The following CNTNAP5 variants were observed in gnomAD, a reference collection of about 807,000 sequenced individuals.
The protein encoded by CNTNAP5 is contactin associated protein family member 5.
A neutral mutation model predicts 150.2 loss-of-function variants in CNTNAP5; 72 were observed. The ratio of observed to expected loss-of-function variants is 0.48; its 90% CI spans 0.40 to 0.58. The LOEUF (loss-of-function observed/expected upper bound fraction) is 0.58, where lower values mean the gene tolerates loss of function less well. Among genes scored for constraint, CNTNAP5 ranks in the 20% least tolerant of loss-of-function variants. The pLI is 0.00. For missense variants in CNTNAP5, 1,636 were observed against 1,626.2 expected (o/e 1.01, Z -0.10); for synonymous variants, 672 against 619.8 (o/e 1.08, Z -1.25).
chr2:124,104,710 G>A (rs2104699958), intron 1 of CNTNAP5, among the ~76,000 whole-genome samples: 1 of 152,144 alleles, frequency 6.6e-6, no homozygotes, highest in African/African-American at 2.4e-5. Context: ...TACCATGAGT[G>A]GACTCTGATG....
chr2:124,780,346 A>C (rs139671072), intron 17 of CNTNAP5, among the ~76,000 whole-genome samples: 2 of 152,300 alleles, frequency 1.3e-5, no homozygotes, highest in African/African-American at 4.8e-5. Flanking sequence ...CATTTAAAGG[A>C]CACACTCAAT....
intron 3 of CNTNAP5, among the ~76,000 whole-genome samples, chr2:124,300,158 C>T (rs1688539465): frequency 1.3e-5 from 2 of 152,220 alleles, no homozygotes; most frequent in Admixed American, 6.5e-5. Context: ...AGTCATGACT[C>T]ATTCCAGCTC....
At chr2:124,274,395 C>T (rs988256883) in intron 3 of CNTNAP5, among the ~76,000 whole-genome samples, 1 of 152,138 alleles carries the variant, frequency 6.6e-6, no homozygotes, top group Non-Finnish European at 1.5e-5. Context: ...TTATTTTCAC[C>T]GCTTTTTCCC....
chr2:124,290,139 A>G (rs1265192632), intron 3 of CNTNAP5, among the ~76,000 whole-genome samples: 1 of 152,114 alleles, frequency 6.6e-6, no homozygotes, highest in Non-Finnish European at 1.5e-5. Flanking sequence ...GGCCGGGTAG[A>G]TCGCTGGTCT....
intron 19 of CNTNAP5, among the ~76,000 whole-genome samples, chr2:124,819,571 C>T (rs1485158023): frequency 1.3e-5 from 2 of 152,124 alleles, no homozygotes; most frequent in South Asian, 2.1e-4. Context: ...GTGAAATTAA[C>T]ATTATCTTCA....
chr2:124,536,250 A>T (rs959544266), intron 10 of CNTNAP5, among the ~76,000 whole-genome samples: 10 of 152,226 alleles, frequency 6.6e-5, no homozygotes, highest in African/African-American at 2.4e-4. Flanking sequence ...TTTATGTAAC[A>T]CTTACTGAGC....
chr2:124,264,389 TACACACACACACAC>T lies in CNTNAP5; in HGVS notation c.381+22027_381+22040del, dbSNP rs200429155. Reference sequence around the variant, plus strand: ...ACACACACAGGCACACACACACACATACACACACACACACACACACACACACACACACACACACA... The same window carrying T: ...ACACACACAGGCACACACACACACATACACACACACACACACACACACACA... On this transcript the variant is annotated intron_variant, in intron 3 of 23. Coordinates refer to ENST00000682447, the MANE Select transcript of CNTNAP5 (RefSeq NM_001367498.1). 7.4e-3 allele frequency among the ~76,000 whole-genome samples: 931 copies of T among 126,620 alleles called. 14 individuals carry two copies. The highest frequency in any genetic ancestry group is 0.023 in the African/African-American group (835 of 35,900). The allele number at this position is 126,620 out of a possible 152,430, so 83.1% of individuals were successfully genotyped here. A position where few individuals can be genotyped will look rare whatever the true frequency, so the allele number is the denominator to read the frequency against.
chr2:124,216,755 T>G (rs1275262406), intron 1 of CNTNAP5, among the ~76,000 whole-genome samples: 1 of 152,192 alleles, frequency 6.6e-6, no homozygotes, highest in African/African-American at 2.4e-5. Flanking sequence ...TTCCATGGTG[T>G]ATATGTGCCA....
chr2:124,481,149 A>G (rs1160185858), intron 7 of CNTNAP5, among the ~76,000 whole-genome samples: 7 of 152,180 alleles, frequency 4.6e-5, no homozygotes, highest in Admixed American at 1.3e-4. Context: ...TAGACCTCAC[A>G]GTTCTCCCTG....
intron 19 of CNTNAP5, among the ~76,000 whole-genome samples, chr2:124,815,412 G>A (rs1027869684): frequency 2.6e-5 from 4 of 152,146 alleles, no homozygotes; most frequent in African/African-American, 4.8e-5. Context: ...ATCATTTTGT[G>A]CTGAAAGCTG....
intron 3 of CNTNAP5, among the ~76,000 whole-genome samples, chr2:124,408,128 C>T (rs1238732148): frequency 6.6e-6 from 1 of 152,182 alleles, no homozygotes; most frequent in East Asian, 1.9e-4. Flanking sequence ...TGACGGAAGG[C>T]ACCTGGAAAA....
chr2:124,656,351 G>C (rs1220264453), intron 13 of CNTNAP5, among the ~76,000 whole-genome samples: 5 of 152,064 alleles, frequency 3.3e-5, no homozygotes, highest in Admixed American at 3.3e-4. Flanking sequence ...TTTCCCGTGA[G>C]GGACTTTTGT....
rs115336668 is a variant in CNTNAP5 at position 124,298,938 on chromosome 2, C to A, written c.381+56545C>A. On this transcript the variant is annotated intron_variant, in intron 3 of 23. Coordinates refer to ENST00000682447, the MANE Select transcript of CNTNAP5 (RefSeq NM_001367498.1). ...CTGTTCAGCCATTAGGAAGACCTGG[C>A]CTGCCACAGTGTCATAGGACTATCT... Among the ~76,000 whole-genome samples, 537 of 152,252 alleles carry A rather than the reference C, an allele frequency of 3.5e-3. 3 individuals carry two copies. Among genetic ancestry groups the A allele is most frequent in the African/African-American group, 0.012 (517 of 41,540 alleles).
chr2:124,394,324 A>G (rs534884279), intron 3 of CNTNAP5, among the ~76,000 whole-genome samples: 1 of 149,846 alleles, frequency 6.7e-6, no homozygotes, highest in Non-Finnish European at 1.5e-5. Flanking sequence ...GATAGCTGAG[A>G]TGGTGCCACT....
In CNTNAP5 at chr2:124,300,932, T is replaced by C. The variant is rs116454786; in HGVS notation, c.381+58539T>C. On this transcript the variant is annotated intron_variant, in intron 3 of 23. Transcript: ENST00000682447. Reference sequence around the variant, plus strand: ...CGAAATCCAAGCATTCTAGATATAATGTATTTCTGCTTTGGAGAAAAATAT... The same window carrying C: ...CGAAATCCAAGCATTCTAGATATAACGTATTTCTGCTTTGGAGAAAAATAT... Among the ~76,000 whole-genome samples, 1,359 of 152,270 alleles carry C rather than the reference T, an allele frequency of 8.9e-3. 21 individuals carry two copies. Among genetic ancestry groups the C allele is most frequent in the African/African-American group, 0.031 (1,274 of 41,546 alleles).
chr2:124,074,779 C>A (rs1682398440), intron 1 of CNTNAP5, among the ~76,000 whole-genome samples: 1 of 152,122 alleles, frequency 6.6e-6, no homozygotes, highest in Admixed American at 6.6e-5. Flanking sequence ...ACATTGACAT[C>A]AGATCTATTC....
At chr2:124,504,246 G>A (rs748670880) in intron 7 of CNTNAP5, 46 bp from the exon 8 acceptor site, 57 of 1,583,748 alleles carry the variant, frequency 3.6e-5, no homozygotes, top group South Asian at 3.1e-4. Context: ...GTCAGATTGC[G>A]GAATAAAAAA....
At chr2:124,200,182 A>G (rs915906391) in intron 1 of CNTNAP5, among the ~76,000 whole-genome samples, 3 of 152,220 alleles carry the variant, frequency 2.0e-5, no homozygotes, top group African/African-American at 4.8e-5. Flanking sequence ...TTTGTTGGAT[A>G]CTGACTTTAC....
intron 1 of CNTNAP5, among the ~76,000 whole-genome samples, chr2:124,127,680 C>T (rs1422590697): frequency 6.6e-6 from 1 of 152,148 alleles, no homozygotes; most frequent in African/African-American, 2.4e-5. Flanking sequence ...CTACAGTAAC[C>T]AAAACAGCAT....
Sources: allele counts gnomAD v4.1 joint callset (sites outside exome capture counted in the v4.1 genomes callset), GRCh38; gene constraint gnomAD v4.1.1; transcripts MANE v1.5; gene names NCBI Gene and HGNC (gene_info 2026-07-23, HGNC 2026-07-21).